The following UBA1 variants were observed in gnomAD, a reference collection of about 807,000 sequenced individuals.
UBA1 encodes the protein ubiquitin like modifier activating enzyme 1, also known as ubiquitin-like modifier-activating enzyme 1.
A neutral mutation model predicts 84.7 loss-of-function variants in UBA1; 4 were observed. The ratio of observed to expected loss-of-function variants is 0.05; its 90% CI spans 0.02 to 0.11. The LOEUF (loss-of-function observed/expected upper bound fraction) is 0.11. Ranked by LOEUF, UBA1 falls within the 10% of genes least tolerant of loss-of-function variation. The pLI is 1.00. For synonymous variants in UBA1, 364 were observed against 362.6 expected, an observed-to-expected ratio of 1.00 and a Z score of -0.04; for missense variants, 513 against 902.8, an observed-to-expected ratio of 0.57 and a Z score of 5.53.
intron 23 of UBA1, among the ~76,000 whole-genome samples, chrX:47,213,838 G>A (rs1301511344): frequency 9.1e-6 from 1 of 110,022 alleles, no homozygotes; most frequent in African/African-American, 3.4e-5. Flanking sequence ...TTGCACTCCC[G>A]CCTGGGTGAC....
chrX:47,190,961 G>A (rs955462404), upstream of UBA1: 1 of 112,900 alleles, frequency 8.9e-6, no homozygotes, highest in Non-Finnish European at 1.9e-5. Context: ...GTGAGCTGGA[G>A]CACCGTGCCC....
At chrX:47,196,938 C>G (rs1461954020) in intron 1 of UBA1, 1 of 198,538 alleles carries the variant, frequency 5.0e-6, no homozygotes, top group Non-Finnish European at 7.6e-6. Context: ...GCTTCTTTAA[C>G]CCTGCCAGCA....
intron 1 of UBA1, chrX:47,198,175 C>T (rs1402640543): frequency 1.0e-5 from 10 of 964,980 alleles, no homozygotes; most frequent in South Asian, 2.1e-5. Context: ...AGCAAGTTAC[C>T]GCTCCTGCCA....
upstream of UBA1, chrX:47,191,661 GCGTGCCGAAGGGA>G (rs782472231): frequency 6.2e-5 from 7 of 112,401 alleles, no homozygotes; most frequent in Non-Finnish European, 1.1e-4. Flanking sequence ...GGGCGGATCA[GCGTGCCGAAGGGA>G]CGTGCTGAAG....
chrX:47,202,363 C>G lies in UBA1; in HGVS notation c.915C>G (p.Ser305=). ...GACCTCTCCCCCCGCCACAGAAATC[C>G]TTGGTGGCCTCACTGGCAGAACCTG... is the stretch of plus-strand genomic sequence containing the variant. ...VKVPKKISFK[S]LVASLAEPDF... is the part of the protein sequence containing the mutation. Residue 305 remains serine (S), a synonymous_variant, in exon 10 of 26, where the codon TCC becomes TCG. Coordinates refer to ENST00000335972, the MANE Select transcript of UBA1 (RefSeq NM_003334.4). 8.3e-7 allele frequency: 1 copy of G among 1,211,717 alleles called. No homozygotes were observed. The highest frequency in any genetic ancestry group is 1.8e-5 in the South Asian group (1 of 56,918).
At position 47,214,824 on chromosome X, in the gene UBA1, G is replaced by A; in HGVS notation, c.3072G>A (p.Lys1024=). The A allele has an allele frequency of 1.7e-6, 2 of 1,211,708 alleles. No individual in the cohort carries two copies. Among genetic ancestry groups the A allele is most frequent in the Non-Finnish European group, 2.2e-6 (2 of 895,647 alleles). The stretch of plus-strand genomic sequence containing the variant: ...CAGAGATTGTGAGCCGTGTGTCGAA[G>A]CGAAAGCTGGGCCGCCACGTGCGGG... ...PMTEIVSRVS[K]RKLGRHVRAL... Residue 1024 remains lysine (K), a synonymous_variant, in exon 26 of 26, where the codon AAG becomes AAA. Transcript: ENST00000335972.
chrX:47,197,424 T>C, intron 1 of UBA1: 1 of 754,786 alleles, frequency 1.3e-6, no homozygotes, highest in Non-Finnish European at 1.6e-6. Flanking sequence ...TGGTTGGTGC[T>C]AGTGACAAGT....
intron 16 of UBA1, chrX:47,209,373 C>G: frequency 2.1e-6 from 1 of 484,224 alleles, no homozygotes; most frequent in Non-Finnish European, 3.7e-6. Flanking sequence ...AGGCTGGTCT[C>G]GAACCCTTGA....
intron 1 of UBA1, among the ~76,000 whole-genome samples, chrX:47,196,234 C>T (rs1936203536): frequency 9.0e-6 from 1 of 111,417 alleles, no homozygotes; most frequent in Admixed American, 9.6e-5. Context: ...TCCCATTTGT[C>T]TCAGAGCCTC....
intron 1 of UBA1, among the ~76,000 whole-genome samples, chrX:47,195,594 G>C (rs1469152506): frequency 6.3e-5 from 7 of 111,069 alleles, no homozygotes; most frequent in African/African-American, 2.3e-4. Context: ...CCTCTTCTCA[G>C]CATCTACCTT....
chrX:47,209,324 T>C, intron 16 of UBA1: 1 of 426,876 alleles, frequency 2.3e-6, no homozygotes, highest in Non-Finnish European at 4.1e-6. Flanking sequence ...CAGCTACTTT[T>C]TGTATTTTTA....
chrX:47,214,774 T>TATA lies in UBA1; in HGVS notation c.3042-20_3042-19insATA. 1 of 1,209,309 alleles carries TATA rather than the reference T, an allele frequency of 8.3e-7. No homozygotes were observed. The highest frequency in any genetic ancestry group is 1.1e-6 in the Non-Finnish European group (1 of 895,338). On this transcript the variant is annotated intron_variant, in intron 25 of 25. Coordinates refer to ENST00000335972, the MANE Select transcript of UBA1 (RefSeq NM_003334.4). ...GCTTTCTGCCCTCCTGACCCTATAC[T>TATA]CCCATCCCCCTATCCCCAGGATGAC...
At position 47,199,483 on chromosome X, in the gene UBA1, T is replaced by G. The variant is rs1247993687; in HGVS notation, c.349T>G (p.Tyr117Asp). The G allele has an allele frequency of 4.1e-6, 5 of 1,210,144 alleles. No individual in the cohort carries two copies. Among genetic ancestry groups the G allele is most frequent in the Non-Finnish European group, 5.6e-6 (5 of 895,255 alleles). The change falls in exon 5 of 26, where the codon TAC becomes GAC. Residue 117 changes from tyrosine to aspartate, a missense_variant. Coordinates refer to ENST00000335972, the MANE Select transcript of UBA1 (RefSeq NM_003334.4). The part of the protein sequence containing the change: ...AQWADLSSQF[Y>D]LREEDIGKNR... The stretch of plus-strand genomic sequence containing the variant: ...TCCCTACTGCACACCCTTACAGTTC[T>G]ACCTGCGGGAGGAGGACATCGGTAA...
Position 47,209,236 on chromosome X carries a change from C to T in UBA1, c.1939-387C>T. The T allele has an allele frequency of 1.0e-5, 4 of 395,829 alleles. No individual in the cohort carries two copies. In the South Asian group the frequency reaches 1.2e-4, roughly 12 times the overall value. The allele number at this position is 395,829 out of a possible 1,213,427, so 32.6% of individuals were successfully genotyped here. A position where few individuals can be genotyped will look rare whatever the true frequency, so the allele number is the denominator to read the frequency against. On this transcript the variant is annotated intron_variant, in intron 16 of 25. Coordinates refer to ENST00000335972, the MANE Select transcript of UBA1 (RefSeq NM_003334.4). The stretch of plus-strand genomic sequence containing the variant: ...ATGGCATGATCTCGGCTCACTGCAA[C>T]CTCCGCCTCCCGGGTTCAAGAGATT...
At position 47,203,201 on chromosome X, in the gene UBA1, A is replaced by G. The variant is rs781881573; in HGVS notation, c.1406A>G (p.Gln469Arg). ...GSDLQEKLGK[Q>R]KYFLVGAGAI... The stretch of plus-strand genomic sequence containing the variant: ...GACCTGCAAGAGAAGCTGGGCAAGC[A>G]GAAGTATTTCCTGGTAAGTGGTCCC... The change falls in exon 13 of 26, where the codon CAG becomes CGG. Residue 469 changes from glutamine (Q) to arginine (R), a missense_variant. Physicochemically the swap from Gln to Arg is conservative, Grantham distance 43. This residue lies in a region of UBA1 where 227 missense variants were observed against 339.1 expected (regional missense o/e 0.67). Coordinates refer to ENST00000335972, the MANE Select transcript of UBA1 (RefSeq NM_003334.4). The G allele has an allele frequency of 8.3e-7, 1 of 1,210,680 alleles. No individual in the cohort carries two copies. The highest frequency in any genetic ancestry group is 3.0e-5 in the East Asian group (1 of 33,759).
Position 47,210,934 on chromosome X carries a change from G to A in UBA1, c.2274+18G>A. Reference sequence around the variant, plus strand: ...TCAACAATGTAAGTCTCCTTTCTAGGGTCTTCTGGGGTCAGGTGGAGGGTG... The same window carrying A: ...TCAACAATGTAAGTCTCCTTTCTAGAGTCTTCTGGGGTCAGGTGGAGGGTG... On this transcript the variant is annotated intron_variant, in intron 19 of 25. Coordinates refer to ENST00000335972, the MANE Select transcript of UBA1 (RefSeq NM_003334.4). 8.3e-7 allele frequency: 1 copy of A among 1,209,982 alleles called. No individual in the cohort carries two copies. The highest frequency in any genetic ancestry group is 1.1e-6 in the Non-Finnish European group (1 of 894,246).
chrX:47,208,208 G>A (rs1472560560), intron 16 of UBA1, among the ~76,000 whole-genome samples: 4 of 112,997 alleles, frequency 3.5e-5, no homozygotes, highest in Non-Finnish European at 7.5e-5. Flanking sequence ...CTGCCATTCA[G>A]GCTGAAGTGT....
intron 16 of UBA1, among the ~76,000 whole-genome samples, chrX:47,207,010 C>T (rs781805063): frequency 1.8e-5 from 2 of 111,014 alleles, no homozygotes; most frequent in South Asian, 7.6e-4. Flanking sequence ...TCCATCATGA[C>T]ATCTCAAAAT....
At chrX:47,214,727 A>G in intron 25 of UBA1, 67 bp from the exon 26 acceptor site, 1 of 1,200,367 alleles carries the variant, frequency 8.3e-7, no homozygotes, top group Non-Finnish European at 1.1e-6. Flanking sequence ...CACTGCCCCT[A>G]CCTACCTGCC....
Sources: allele counts gnomAD v4.1 joint callset (sites outside exome capture counted in the v4.1 genomes callset), GRCh38; gene constraint gnomAD v4.1.1; regional missense constraint gnomAD v4.1.1; transcripts MANE v1.5; gene names NCBI Gene and HGNC (gene_info 2026-07-23, HGNC 2026-07-21).